The following SMOC1 variants were observed in gnomAD, a reference collection of about 807,000 sequenced individuals.
SMOC1 encodes SPARC-related modular calcium-binding protein 1.
In SMOC1, 22 loss-of-function variants were observed where a neutral mutation model predicts 56.3. The observed-to-expected ratio is 0.39, with a 90% CI of 0.28 to 0.56. SMOC1 has a LOEUF of 0.56. Ranked by LOEUF, SMOC1 falls within the 20% of genes least tolerant of loss-of-function variation. The pLI, the probability that SMOC1 is intolerant of heterozygous loss-of-function variation, is 0.61. For missense variants in SMOC1, 509 were observed against 565.4 expected (o/e 0.90, Z 1.01); for synonymous variants, 193 against 215.0 (o/e 0.90, Z 0.89).
At chr14:69,998,297 C>T (rs1884844413) in intron 7 of SMOC1, among the ~76,000 whole-genome samples, 1 of 152,178 alleles carries the variant, frequency 6.6e-6, no homozygotes, top group East Asian at 1.9e-4. Context: ...ACCAGGAATT[C>T]CTTTTGCATT....
chr14:69,900,941 A>AT (rs1442619262), intron 1 of SMOC1, among the ~76,000 whole-genome samples: 1 of 152,066 alleles, frequency 6.6e-6, no homozygotes, highest in Non-Finnish European at 1.5e-5. Context: ...TCGAGGACAG[A>AT]TTTTTCTTAC....
intron 5 of SMOC1, among the ~76,000 whole-genome samples, chr14:69,985,468 T>G (rs192800021): frequency 6.6e-6 from 1 of 151,808 alleles, no homozygotes; most frequent in African/African-American, 2.4e-5. Context: ...AGCAGCTTTA[T>G]CTGTAATAGC....
chr14:70,005,870 T>C (rs2139576531), intron 7 of SMOC1, among the ~76,000 whole-genome samples: 1 of 152,270 alleles, frequency 6.6e-6, no homozygotes, highest in Middle Eastern at 3.4e-3. Context: ...TTACAGATGG[T>C]CCTGGCCCAT....
At chr14:69,969,854 A>G (rs1199872349) in intron 3 of SMOC1, among the ~76,000 whole-genome samples, 1 of 152,134 alleles carries the variant, frequency 6.6e-6, no homozygotes, top group African/African-American at 2.4e-5. Context: ...ATTTCTATTC[A>G]CACCTCACAG....
intron 1 of SMOC1, among the ~76,000 whole-genome samples, chr14:69,910,552 A>T (rs1283973863): frequency 1.3e-5 from 2 of 152,160 alleles, no homozygotes; most frequent in Non-Finnish European, 2.9e-5. Context: ...TGTTTATTTC[A>T]TGCCAGAGAA....
intron 7 of SMOC1, among the ~76,000 whole-genome samples, chr14:70,008,104 C>T (rs918931353): frequency 6.6e-6 from 1 of 151,630 alleles, no homozygotes; most frequent in African/African-American, 2.4e-5. Flanking sequence ...AATTAGTGAG[C>T]TTTATCATTT....
chr14:69,951,315 G>T (rs1882988975), intron 1 of SMOC1, among the ~76,000 whole-genome samples: 2 of 152,146 alleles, frequency 1.3e-5, no homozygotes, highest in Admixed American at 6.5e-5. Flanking sequence ...AGATTCAAGG[G>T]AGAGGAAATT....
chr14:70,005,358 G>T (rs1885114839), intron 7 of SMOC1, among the ~76,000 whole-genome samples: 1 of 152,198 alleles, frequency 6.6e-6, no homozygotes, highest in Non-Finnish European at 1.5e-5. Flanking sequence ...AGCCGACAGA[G>T]CTGTGCTCCA....
intron 5 of SMOC1, among the ~76,000 whole-genome samples, chr14:69,987,545 C>G (rs1334285166): frequency 1.3e-5 from 2 of 152,204 alleles, no homozygotes; most frequent in Non-Finnish European, 2.9e-5. Flanking sequence ...GACTTGCCAG[C>G]CCCTTGAAAG....
In SMOC1 at chr14:69,948,552, G is replaced by A. The variant is rs1023236354; in HGVS notation, c.100-3586G>A. On this transcript the variant is annotated intron_variant, in intron 1 of 11. Transcript: ENST00000361956. ...GTGTAGAGCAATCCATTTTCAAACCGATTTTTTGGCCTGTAGTTCAACTTC... is the reference window on the plus strand; with the variant it reads ...GTGTAGAGCAATCCATTTTCAAACCAATTTTTTGGCCTGTAGTTCAACTTC... Among the ~76,000 whole-genome samples, 11 of 152,020 alleles carry A rather than the reference G, an allele frequency of 7.2e-5. 1 individual carries two copies. Among genetic ancestry groups the A allele is most frequent in the African/African-American group, 1.7e-4 (7 of 41,376 alleles).
intron 1 of SMOC1, among the ~76,000 whole-genome samples, chr14:69,900,545 A>C (rs777383125): frequency 3.9e-5 from 6 of 152,110 alleles, no homozygotes; most frequent in Non-Finnish European, 8.8e-5. Flanking sequence ...ATACTAATCC[A>C]TCTTATTCTG....
At chr14:69,947,188 T>C (rs1882817084) in intron 1 of SMOC1, among the ~76,000 whole-genome samples, 1 of 151,704 alleles carries the variant, frequency 6.6e-6, no homozygotes, top group Non-Finnish European at 1.5e-5. Flanking sequence ...GCTCCTTTCT[T>C]TCCTTTCATT....
At chr14:69,885,241 G>GATTA (rs1373727622) in intron 1 of SMOC1, 1 of 745,342 alleles carries the variant, frequency 1.3e-6, no homozygotes, top group African/African-American at 1.8e-5. Context: ...GCTTAGGAAC[G>GATTA]ATTACTCTCT....
At chr14:69,881,502 A>G (rs1024923134) in intron 1 of SMOC1, among the ~76,000 whole-genome samples, 1 of 152,156 alleles carries the variant, frequency 6.6e-6, no homozygotes, top group Non-Finnish European at 1.5e-5. Context: ...AGGGGAAATC[A>G]GGCACCGTGG....
intron 1 of SMOC1, among the ~76,000 whole-genome samples, chr14:69,902,080 G>C (rs1884256510): frequency 6.6e-6 from 1 of 152,176 alleles, no homozygotes; most frequent in Non-Finnish European, 1.5e-5. Context: ...TTTAGGAATG[G>C]TCATGTGACT....
Position 69,952,228 on chromosome 14 carries a change from G to A in SMOC1, c.190G>A (p.Glu64Lys), listed in dbSNP as rs370148766. 2.4e-5 allele frequency: 39 copies of A among 1,614,038 alleles called. No homozygotes were observed. Among genetic ancestry groups the A allele is most frequent in the Middle Eastern group, 1.6e-4 (1 of 6,084 alleles). ...CTGTGCCTCTGATGGCAGGTCCTACGAGTCCATGTGTGAGTACCAGCGAGC... is the reference window on the plus strand; with the variant it reads ...CTGTGCCTCTGATGGCAGGTCCTACAAGTCCATGTGTGAGTACCAGCGAGC... ...PICASDGRSY[E>K]SMCEYQRAKC... is the part of the protein sequence containing the mutation. Residue 64 changes from glutamate to lysine, a missense_variant, in exon 2 of 12, where the codon GAG (glutamate) becomes AAG (lysine). Around this residue, in one of 3 missense-constraint regions of SMOC1, gnomAD observed 315 missense variants for 333.1 expected, o/e 0.95. Coordinates refer to ENST00000361956, the MANE Select transcript of SMOC1 (RefSeq NM_001034852.3).
In SMOC1 at chr14:69,888,379, G is replaced by T. The variant is rs555760066; in HGVS notation, c.99+8602G>T. Reference sequence around the variant, plus strand: ...CTTACCTTTGGCCACATCTAAGCTTGTTAGGTATGGAGCTCTGCATACTTC... The same window carrying T: ...CTTACCTTTGGCCACATCTAAGCTTTTTAGGTATGGAGCTCTGCATACTTC... On this transcript the variant is annotated intron_variant, in intron 1 of 11. Coordinates refer to ENST00000361956, the MANE Select transcript of SMOC1 (RefSeq NM_001034852.3). Among the ~76,000 whole-genome samples the T allele has an allele frequency of 3.9e-5, 6 of 152,320 alleles. No homozygotes were observed. The South Asian group carries it at 1.2e-3, about 32-fold the overall frequency.
chr14:69,966,192 TA>T (rs1395889691), intron 3 of SMOC1, among the ~76,000 whole-genome samples: 2 of 152,130 alleles, frequency 1.3e-5, no homozygotes, highest in Non-Finnish European at 2.9e-5. Flanking sequence ...ATTTGATACT[TA>T]ACCCCCAAGA....
chr14:69,914,629 AG>A (rs375389413), intron 1 of SMOC1, among the ~76,000 whole-genome samples: 18 of 152,214 alleles, frequency 1.2e-4, no homozygotes, highest in African/African-American at 4.1e-4. Flanking sequence ...GGTCTGGTGA[AG>A]TAGCCATTAT....
Sources: allele counts gnomAD v4.1 joint callset (sites outside exome capture counted in the v4.1 genomes callset), GRCh38; gene constraint gnomAD v4.1.1; regional missense constraint gnomAD v4.1.1; transcripts MANE v1.5; gene names NCBI Gene and HGNC (gene_info 2026-07-23, HGNC 2026-07-21).